KAT6A: variants seen among roughly 807,000 people sequenced by gnomAD.
The protein encoded by KAT6A is histone acetyltransferase KAT6A.
KAT6A carries 9 observed loss-of-function variants against 198.4 expected under a neutral mutation model. The ratio of observed to expected loss-of-function variants is 0.05; its 90% CI spans 0.03 to 0.08. The LOEUF (loss-of-function observed/expected upper bound fraction) is 0.08. KAT6A is among the 10% of genes least tolerant of loss of function. The probability of loss-of-function intolerance (pLI) is 1.00; values close to 1 mark genes in which losing one functional copy is unlikely to be tolerated. For missense variants in KAT6A, 2,077 were observed against 2,509.9 expected (o/e 0.83, Z 3.69); for synonymous variants, 890 against 883.0 (o/e 1.01, Z -0.14).
intron 3 of KAT6A, among the ~76,000 whole-genome samples, chr8:41,986,084 G>A (rs1042661644): frequency 1.3e-5 from 2 of 152,132 alleles, no homozygotes; most frequent in African/African-American, 4.8e-5. Flanking sequence ...GGGACTACAG[G>A]TGCGAACCAC....
chr8:41,952,933 CAAAG>C (rs1822737549), intron 9 of KAT6A, among the ~76,000 whole-genome samples: 2 of 152,112 alleles, frequency 1.3e-5, no homozygotes, highest in African/African-American at 4.8e-5. Flanking sequence ...ATTGAAAACT[CAAAG>C]AACCCTATCC....
chr8:42,043,466 T>G (rs749915154), intron 2 of KAT6A: 7 of 152,094 alleles, frequency 4.6e-5, no homozygotes, highest in Non-Finnish European at 7.4e-5. Context: ...AAATTATCTT[T>G]AAGGGAAAAA....
At chr8:42,030,417 T>C (rs1323869748) in intron 2 of KAT6A, among the ~76,000 whole-genome samples, 1 of 152,174 alleles carries the variant, frequency 6.6e-6, no homozygotes, top group Non-Finnish European at 1.5e-5. Flanking sequence ...AATTTCAGTG[T>C]TCTCTCTTAA....
intron 10 of KAT6A, 65 bp downstream of exon 10, chr8:41,949,157 G>T (rs1822544720): frequency 9.5e-7 from 1 of 1,047,650 alleles, no homozygotes; most frequent in Non-Finnish European, 1.3e-6. Flanking sequence ...TTGCACAATA[G>T]ATGCAATATA....
intron 12 of KAT6A, among the ~76,000 whole-genome samples, chr8:41,945,767 G>A (rs930897557): frequency 3.3e-5 from 5 of 151,928 alleles, no homozygotes; most frequent in African/African-American, 1.2e-4. Context: ...GGTGGCTCAC[G>A]CCTGTAATCC....
intron 2 of KAT6A, among the ~76,000 whole-genome samples, chr8:41,995,241 A>G (rs1825142252): frequency 6.6e-6 from 1 of 152,204 alleles, no homozygotes; most frequent in Non-Finnish European, 1.5e-5. Flanking sequence ...TAATAATCAC[A>G]GCAGTACAGA....
intron 2 of KAT6A, among the ~76,000 whole-genome samples, chr8:42,028,778 G>A (rs1826968909): frequency 6.6e-6 from 1 of 152,116 alleles, no homozygotes; most frequent in Non-Finnish European, 1.5e-5. Flanking sequence ...TGGTTGTTTT[G>A]TGTATCCTTG....
intron 8 of KAT6A, among the ~76,000 whole-genome samples, chr8:41,965,789 G>T (rs985212410): frequency 2.7e-4 from 41 of 152,294 alleles, no homozygotes; most frequent in African/African-American, 9.6e-4. Flanking sequence ...GTAACAAGAT[G>T]TCAGTTTCGG....
At chr8:41,983,858 T>C (rs1378396992) in intron 3 of KAT6A, among the ~76,000 whole-genome samples, 3 of 152,266 alleles carry the variant, frequency 2.0e-5, no homozygotes, top group Admixed American at 2.0e-4. Flanking sequence ...CTGTGGTATG[T>C]GTTCCTATTA....
Position 41,974,671 on chromosome 8 carries a change from G to A in KAT6A, c.1482+33C>T, listed in dbSNP as rs1203466450. On this transcript the variant is annotated intron_variant, in intron 8 of 16. Coordinates refer to ENST00000265713, the MANE Select transcript of KAT6A (RefSeq NM_006766.5). ...GCTGTTTCTCAGCCATGAACAAGTT[G>A]CTTGATTGTCTAACCTGAATATCCA... 11 of 1,302,406 alleles carry A rather than the reference G, an allele frequency of 8.4e-6. No homozygotes were observed. The East Asian group carries it at 2.6e-4, about 30-fold the overall frequency. The allele number at this position is 1,302,406 out of a possible 1,614,324, so 80.7% of individuals were successfully genotyped here. A position where few individuals can be genotyped will look rare whatever the true frequency, so the allele number is the denominator to read the frequency against.
chr8:41,940,163 G>C (rs1822038304), intron 15 of KAT6A, among the ~76,000 whole-genome samples: 1 of 152,226 alleles, frequency 6.6e-6, no homozygotes, highest in Non-Finnish European at 1.5e-5. Context: ...TCCTGGCAAT[G>C]CTTAAAATCC....
rs6997392 is a variant in KAT6A at position 42,048,095 on chromosome 8, A to T, written c.600+283T>A. 0.021 allele frequency among the ~76,000 whole-genome samples: 3,229 copies of T among 152,018 alleles called. 104 individuals are homozygous for T. Among genetic ancestry groups the T allele is most frequent in the African/African-American group, 0.072 (2,984 of 41,432 alleles). On this transcript the variant is annotated intron_variant, in intron 2 of 16. Coordinates refer to ENST00000265713, the MANE Select transcript of KAT6A (RefSeq NM_006766.5). ...CAAGCAAAATAATAAAAAAAAATTT[A>T]AAAAAAAGTTTTAAACTCATATGTC...
chr8:42,034,292 T>A (rs1384325835), intron 2 of KAT6A, among the ~76,000 whole-genome samples: 1 of 152,178 alleles, frequency 6.6e-6, no homozygotes, highest in African/African-American at 2.4e-5. Context: ...AGTTTCTGAT[T>A]GAATAGGCCT....
intron 3 of KAT6A, among the ~76,000 whole-genome samples, chr8:41,986,397 G>A (rs1824605250): frequency 2.0e-5 from 3 of 152,088 alleles, no homozygotes; most frequent in Admixed American, 2.0e-4. Flanking sequence ...TTTCCATCAA[G>A]AAAAACAAAT....
In KAT6A at chr8:42,048,758, G is replaced by C. The variant is rs1484623490; in HGVS notation, c.220C>G (p.Pro74Ala). 6.2e-7 allele frequency: 1 copy of C among 1,614,158 alleles called. No individual in the cohort carries two copies. The highest frequency in any genetic ancestry group is 1.3e-5 in the African/African-American group (1 of 75,034). Residue 74 changes from proline (P) to alanine (A), a missense_variant, in exon 2 of 17, where the codon CCT becomes GCT. Pro to Ala is a conservative substitution (Grantham distance 27, BLOSUM62 -1). Around this residue, in one of 13 missense-constraint regions of KAT6A, gnomAD observed 185 missense variants for 185.7 expected, o/e 1.00. Transcript: ENST00000265713. Reference sequence around the variant, plus strand: ...AGTGCTATTCGCCCAGGATTATCAGGATCTTTATAGGAATTGAGTCCTTTA... The same window carrying C: ...AGTGCTATTCGCCCAGGATTATCAGCATCTTTATAGGAATTGAGTCCTTTA... ...SNKGLNSYKD[P>A]DNPGRIALPK... is the part of the protein sequence containing the mutation.
At chr8:41,976,347 T>G (rs1824052472) in intron 7 of KAT6A, among the ~76,000 whole-genome samples, 1 of 152,214 alleles carries the variant, frequency 6.6e-6, no homozygotes, top group Non-Finnish European at 1.5e-5. Context: ...TTTTAAGCTT[T>G]AATTTATTGG....
chr8:42,023,555 T>C (rs1352735796), intron 2 of KAT6A, among the ~76,000 whole-genome samples: 1 of 152,000 alleles, frequency 6.6e-6, no homozygotes, highest in Non-Finnish European at 1.5e-5. Flanking sequence ...TGGCATGATC[T>C]TGGCTCACTG....
chr8:41,983,034 TGCAA>T, intron 3 of KAT6A, among the ~76,000 whole-genome samples: 1 of 152,334 alleles, frequency 6.6e-6, no homozygotes, highest in South Asian at 2.1e-4. Flanking sequence ...ATTTAAGGCA[TGCAA>T]GCTAAAACTA....
intron 8 of KAT6A, among the ~76,000 whole-genome samples, chr8:41,955,823 A>G (rs759709616): frequency 2.4e-4 from 37 of 152,206 alleles, no homozygotes; most frequent in Non-Finnish European, 4.6e-4. Context: ...TCCGCTGACA[A>G]CAATGGAGAT....
Sources: gnomAD v4.1 joint callset for allele counts (sites outside exome capture counted in the v4.1 genomes callset) on GRCh38, gnomAD v4.1.1 for gene constraint, gnomAD v4.1.1 regional missense constraint, MANE v1.5 for transcripts, NCBI Gene and HGNC (gene_info 2026-07-23, HGNC 2026-07-21) for gene names.